Variants in RBM4 observed in about 807,000 individuals in gnomAD.
RBM4 encodes the protein RNA binding motif protein 4.
In RBM4, 7 loss-of-function variants were observed where a neutral mutation model predicts 29.5. That is an observed-to-expected ratio of 0.24 (90% CI 0.14 to 0.45). RBM4 has a LOEUF of 0.45. Ranked by LOEUF, RBM4 falls within the 20% of genes least tolerant of loss-of-function variation. RBM4 has a pLI of 1.00. For missense variants in RBM4, 387 were observed against 502.3 expected (o/e 0.77, Z 2.19); for synonymous variants, 220 against 205.4 (o/e 1.07, Z -0.61).
chr11:66,645,378 G>C (rs1938647034), intron 3 of RBM4, among the ~76,000 whole-genome samples: 1 of 152,180 alleles, frequency 6.6e-6, no homozygotes, highest in African/African-American at 2.4e-5. Context: ...ATAGATAACT[G>C]TCATCTTTGC....
intron 2 of RBM4, among the ~76,000 whole-genome samples, chr11:66,653,967 G>T (rs1318451491): frequency 1.3e-5 from 2 of 152,044 alleles, no homozygotes; most frequent in Non-Finnish European, 2.9e-5. Flanking sequence ...CGAGGTGCAA[G>T]GATCGCTTGA....
chr11:66,666,001 T>G (rs1939218771), exon 3 of RBM4: 1 of 1,459,480 alleles, frequency 6.9e-7, no homozygotes. Context: ...ATTCTAAATG[T>G]GTTTTGTTTT....
intron 2 of RBM4, among the ~76,000 whole-genome samples, chr11:66,642,164 C>T (rs1226407798): frequency 6.6e-6 from 1 of 152,206 alleles, no homozygotes; most frequent in East Asian, 1.9e-4. Flanking sequence ...CTTCCACCCC[C>T]GTTTCCCTAT....
chr11:66,659,357 G>GC (rs1266014371), intron 2 of RBM4, among the ~76,000 whole-genome samples: 2 of 133,164 alleles, frequency 1.5e-5, no homozygotes, highest in African/African-American at 5.7e-5. Context: ...TGCAAGCTCC[G>GC]CCCCCCGGAT....
chr11:66,661,244 C>G (rs988270811), intron 2 of RBM4, among the ~76,000 whole-genome samples: 3 of 152,188 alleles, frequency 2.0e-5, no homozygotes, highest in African/African-American at 7.2e-5. Context: ...GATTGATCTT[C>G]CAACAAACTG....
At chr11:66,665,903 C>T (rs1417330498) in exon 3 of RBM4, 1 of 1,535,418 alleles carries the variant, frequency 6.5e-7, no homozygotes, top group Non-Finnish European at 8.7e-7. Context: ...TAACAAAGGG[C>T]ATACATACAT....
chr11:66,652,101 A>G (rs1245509459), intron 2 of RBM4, among the ~76,000 whole-genome samples: 1 of 152,102 alleles, frequency 6.6e-6, no homozygotes, highest in African/African-American at 2.4e-5. Context: ...AGCAAAACTC[A>G]TAGAAATGAA....
downstream of RBM4, among the ~76,000 whole-genome samples, chr11:66,646,946 C>T (rs1251519170): frequency 1.3e-5 from 2 of 152,160 alleles, no homozygotes; most frequent in African/African-American, 4.8e-5. Context: ...ATGCCTTTCA[C>T]CATCTATTTG....
rs1287434918 is a variant in RBM4 at position 66,644,230 on chromosome 11, G to A, written c.*8+90G>A. 14 of 1,495,024 alleles carry A rather than the reference G, an allele frequency of 9.4e-6. No homozygotes were observed. The East Asian group carries it at 3.2e-4, about 35-fold the overall frequency. 92.6% of individuals were successfully genotyped at this position (1,495,024 alleles called of 1,614,324 possible). A position where few individuals can be genotyped will look rare whatever the true frequency, so the allele number is the denominator to read the frequency against. On this transcript the variant is annotated intron_variant, in intron 3 of 3. Transcript: ENST00000310092. ...ATTAGGCTGCCCTGCTTGCTTGCTT[G>A]CTTTTGCAGGGTTAGGGGAAGGTTA...
chr11:66,640,948 C>T (rs991458963), intron 2 of RBM4: 2 of 152,168 alleles, frequency 1.3e-5, no homozygotes, highest in African/African-American at 4.8e-5. Flanking sequence ...CTTGTTAGAG[C>T]ATTTTGGATT....
rs1938540466 is a variant in RBM4, at chr11:66,643,196, G to T, written c.413-254G>T. Among the ~76,000 whole-genome samples the T allele has an allele frequency of 6.6e-6, 1 of 151,960 alleles. No homozygotes were observed. Among genetic ancestry groups the T allele is most frequent in the Non-Finnish European group, 1.5e-5 (1 of 68,008 alleles). ...TTTGGAGATGATTGGAGCAAGAGTA[G>T]TTTATTTCTTAAGCATTTAAACTGT... On this transcript the variant is annotated intron_variant, in intron 2 of 3. Coordinates refer to ENST00000310092, the MANE Select transcript of RBM4 (RefSeq NM_002896.4). This position sits in a 1 kb window ranked among gnomAD's most constrained non-coding sequence, Gnocchi z 6.1.
chr11:66,647,644 T>C (rs191601299), downstream of RBM4, among the ~76,000 whole-genome samples: 2 of 152,298 alleles, frequency 1.3e-5, no homozygotes, highest in African/African-American at 4.8e-5. Context: ...TACCCTTTGA[T>C]CTGATGGGTA....
chr11:66,665,813 G>A lies in RBM4; in HGVS notation c.413-43G>A, dbSNP rs578238032. The A allele has an allele frequency of 4.7e-6, 7 of 1,473,928 alleles. No homozygotes were observed. The African/African-American group carries it at 8.4e-5, about 18-fold the overall frequency. 91.3% of individuals were successfully genotyped at this position (1,473,928 alleles called of 1,614,324 possible). ...TAGGACAAGATGCAATCTAGCTGAA[G>A]AATGTGTTGGTGATAAATACATCTT... On this transcript the variant is annotated intron_variant, in intron 2 of 2. Transcript: ENST00000396053.
intron 3 of RBM4, among the ~76,000 whole-genome samples, chr11:66,645,096 C>T (rs1938635263): frequency 6.6e-6 from 1 of 152,158 alleles, no homozygotes. Context: ...CCTTCTTCAT[C>T]TTCTCACTAG....
At chr11:66,640,185 A>G in intron 2 of RBM4, 62 bp downstream of exon 2, 1 of 1,601,026 alleles carries the variant, frequency 6.2e-7, no homozygotes, top group Non-Finnish European at 8.6e-7. Context: ...ATGGTTGGAT[A>G]AGTAAAAGGA....
In RBM4 at chr11:66,644,157, G is replaced by A. The variant is rs1331942005; in HGVS notation, c.*8+17G>A. 1.3e-6 allele frequency: 2 copies of A among 1,592,788 alleles called. No homozygotes were observed. The highest frequency in any genetic ancestry group is 2.2e-5 in the East Asian group (1 of 44,734). On this transcript the variant is annotated intron_variant, in intron 3 of 3. Coordinates refer to ENST00000310092, the MANE Select transcript of RBM4 (RefSeq NM_002896.4). ...AAGCTTGAGGTGAGAGGGGTGGGGT[G>A]TTCCCTCTTCTGGTTTTGCCATCCC...
At chr11:66,663,621 G>C (rs1261853992) in intron 2 of RBM4, among the ~76,000 whole-genome samples, 1 of 152,120 alleles carries the variant, frequency 6.6e-6, no homozygotes, top group Non-Finnish European at 1.5e-5. Flanking sequence ...GAGCCACTGT[G>C]CCTGGCCTAA....
chr11:66,649,802 C>G (rs1190320502), downstream of RBM4: 2 of 700,294 alleles, frequency 2.9e-6, no homozygotes. Context: ...ACTTTGAACT[C>G]CTGAGCTCAA....
exon 3 of RBM4, chr11:66,667,909 G>A (rs563337212): frequency 6.6e-6 from 1 of 152,496 alleles, no homozygotes; most frequent in Admixed American, 6.5e-5. Flanking sequence ...GTCTTGCTAT[G>A]TTGCCTAGGC....
Sources: gnomAD v4.1 joint callset for allele counts (sites outside exome capture counted in the v4.1 genomes callset) on GRCh38, gnomAD v4.1.1 for gene constraint, Gnocchi (gnomAD v3.1) non-coding constraint, MANE v1.5 for transcripts, NCBI Gene and HGNC (gene_info 2026-07-23, HGNC 2026-07-21) for gene names.